SNAP47: variants seen among roughly 807,000 people sequenced by gnomAD.
SNAP47 encodes the protein synaptosomal-associated protein 47.
A neutral mutation model predicts 31.4 loss-of-function variants in SNAP47; 20 were observed. That is an observed-to-expected ratio of 0.64 (90% CI 0.45 to 0.93). The LOEUF is 0.93. Among genes scored for constraint, SNAP47 ranks in the 40% least tolerant of loss-of-function variants. The pLI is 0.00. For synonymous variants in SNAP47, 194 were observed against 213.4 expected (o/e 0.91, Z 0.79); for missense variants, 492 against 528.5 (o/e 0.93, Z 0.68).
chr1:227,735,246 C>T (rs768901659), upstream of SNAP47: 4 of 1,601,278 alleles, frequency 2.5e-6, no homozygotes, highest in East Asian at 2.3e-5. Flanking sequence ...AAGTGGCTGT[C>T]GGCGAGGGCG....
intron 3 of SNAP47, among the ~76,000 whole-genome samples, chr1:227,760,645 C>T (rs1310702913): frequency 6.6e-6 from 1 of 152,192 alleles, no homozygotes; most frequent in African/African-American, 2.4e-5. Context: ...GGCTGGTGGC[C>T]TCTTGGTGTT....
Position 227,735,491 on chromosome 1 carries a change from G to C in SNAP47, c.-54G>C. The C allele has an allele frequency of 7.1e-7, 1 of 1,411,812 alleles. No homozygotes were observed. Among genetic ancestry groups the C allele is most frequent in the Non-Finnish European group, 9.2e-7 (1 of 1,092,204 alleles). The allele number at this position is 1,411,812 out of a possible 1,614,324, so 87.5% of individuals were successfully genotyped here. On this transcript the variant is annotated 5_prime_UTR_variant, in exon 1 of 5. Transcript: ENST00000617596. Reference sequence around the variant, plus strand: ...CGGTCGGCTCTGGGACTCGTCTGGCGTCCCTCAGGTGAGCGACGGTGTTGG... The same window carrying C: ...CGGTCGGCTCTGGGACTCGTCTGGCCTCCCTCAGGTGAGCGACGGTGTTGG...
chr1:227,733,155 C>CTGCTG, upstream of SNAP47: 1 of 1,096,962 alleles, frequency 9.1e-7, no homozygotes, highest in Non-Finnish European at 1.3e-6. Flanking sequence ...TCCTGTCTCC[C>CTGCTG]AGCAGGGCTT....
chr1:227,754,674 C>G (rs1662586465), intron 2 of SNAP47, among the ~76,000 whole-genome samples: 1 of 152,160 alleles, frequency 6.6e-6, no homozygotes, highest in African/African-American at 2.4e-5. Flanking sequence ...CAGGTCACCT[C>G]ACGGCACTGT....
intron 1 of SNAP47, among the ~76,000 whole-genome samples, chr1:227,745,583 G>C (rs1248821336): frequency 1.3e-5 from 2 of 152,166 alleles, no homozygotes; most frequent in African/African-American, 4.8e-5. Flanking sequence ...ATGGGTCTGA[G>C]ACGGCTTCTA....
chr1:227,735,700 C>A, intron 1 of SNAP47: 1 of 984,490 alleles, frequency 1.0e-6, no homozygotes, highest in South Asian at 4.7e-5. Flanking sequence ...GGTGCGGGGG[C>A]GCCCAGGGAT....
In SNAP47 at chr1:227,762,314, C is replaced by T. The variant is rs1003830270; in HGVS notation, c.988+2829C>T. 1.3e-5 allele frequency among the ~76,000 whole-genome samples: 2 copies of T among 152,224 alleles called. No homozygotes were observed. The highest frequency in any genetic ancestry group is 4.1e-4 in the South Asian group (2 of 4,838). On this transcript the variant is annotated intron_variant, in intron 3 of 4. Transcript: ENST00000617596. This position sits in a 1 kb window ranked among gnomAD's most constrained non-coding sequence, Gnocchi z 4.2. ...CCAGAGGGTGTTCTTGAAGAGGCTC[C>T]ATGCAGGGGTTGGAGCGTGTGGTGC...
chr1:227,773,181 G>T (rs890092268), intron 4 of SNAP47, among the ~76,000 whole-genome samples: 10 of 140,590 alleles, frequency 7.1e-5, no homozygotes, highest in Admixed American at 1.5e-4. Context: ...ATGTTGCCCA[G>T]GCTGGTCTTG....
intron 2 of SNAP47, among the ~76,000 whole-genome samples, chr1:227,749,886 C>T (rs561419623): frequency 1.1e-4 from 16 of 152,270 alleles, no homozygotes; most frequent in African/African-American, 3.6e-4. Flanking sequence ...CTTTCAATTA[C>T]TTTTATTATT....
At chr1:227,748,302 C>A in intron 2 of SNAP47, 69 bp downstream of exon 2, 1 of 1,443,060 alleles carries the variant, frequency 6.9e-7, no homozygotes, top group Non-Finnish European at 9.2e-7. Flanking sequence ...GGCTCACAGG[C>A]ACTGTTCCAG....
chr1:227,775,131 C>T (rs576744962), intron 4 of SNAP47, among the ~76,000 whole-genome samples: 8 of 152,148 alleles, frequency 5.3e-5, no homozygotes, highest in Non-Finnish European at 8.8e-5. Context: ...AGGAATGCAG[C>T]GGAGGGGACT....
chr1:227,754,957 G>A (rs971277587), intron 2 of SNAP47, among the ~76,000 whole-genome samples: 5 of 152,154 alleles, frequency 3.3e-5, no homozygotes, highest in African/African-American at 1.2e-4. Flanking sequence ...AAGCACCCCA[G>A]CCAACTGAAT....
At chr1:227,740,377 G>A (rs1258429596) in intron 1 of SNAP47, among the ~76,000 whole-genome samples, 1 of 152,206 alleles carries the variant, frequency 6.6e-6, no homozygotes, top group Non-Finnish European at 1.5e-5. Context: ...TCTGTTCAAT[G>A]ACTATCTCAT....
At chr1:227,776,954 T>C (rs1452384183) in intron 4 of SNAP47, 1 of 985,326 alleles carries the variant, frequency 1.0e-6, no homozygotes, top group Admixed American at 6.1e-5. Context: ...CAATAAAATA[T>C]TCCGCTTCTA....
intron 1 of SNAP47, among the ~76,000 whole-genome samples, chr1:227,739,024 G>A (rs1317624041): frequency 6.6e-6 from 1 of 152,158 alleles, no homozygotes; most frequent in African/African-American, 2.4e-5. Flanking sequence ...TACGCAGGAG[G>A]CCTGGAGTGT....
upstream of SNAP47, chr1:227,733,685 C>A (rs969857945): frequency 3.1e-6 from 5 of 1,599,722 alleles, no homozygotes; most frequent in South Asian, 3.3e-5. Flanking sequence ...CGGGGACCTG[C>A]GGCAGCAAGA....
chr1:227,778,234 A>C (rs759645177), intron 4 of SNAP47, among the ~76,000 whole-genome samples: 10 of 152,322 alleles, frequency 6.6e-5, no homozygotes, highest in Non-Finnish European at 1.5e-4. Context: ...GGTTTTCTAC[A>C]TGCAGTTATT....
upstream of SNAP47, chr1:227,734,683 G>C (rs756330125): frequency 2.0e-5 from 33 of 1,614,046 alleles, no homozygotes; most frequent in Non-Finnish European, 2.6e-5. Flanking sequence ...GGTAGAGACA[G>C]CCCCTGGGAG....
chr1:227,766,908 G>A (rs766644013), intron 3 of SNAP47, 51 bp from the exon 4 acceptor site: 2 of 1,607,450 alleles, frequency 1.2e-6, no homozygotes, highest in East Asian at 2.2e-5. Flanking sequence ...GCACACGAGG[G>A]TTGTTGCAAC....
Sources: allele counts gnomAD v4.1 joint callset (sites outside exome capture counted in the v4.1 genomes callset), GRCh38; gene constraint gnomAD v4.1.1; non-coding constraint Gnocchi (gnomAD v3.1); transcripts MANE v1.5; gene names NCBI Gene and HGNC (gene_info 2026-07-23, HGNC 2026-07-21).